Variants in RFX3 observed in about 807,000 individuals in gnomAD.
The protein encoded by RFX3 is regulatory factor X3.
A neutral mutation model predicts 98.6 loss-of-function variants in RFX3; 14 were observed. The observed-to-expected ratio is 0.14, with a 90% confidence interval of 0.09 to 0.22. The LOEUF is 0.22. Among genes scored for constraint, RFX3 ranks in the 10% least tolerant of loss-of-function variants. The pLI is 1.00. For missense variants in RFX3, 639 were observed against 926.9 expected (o/e 0.69, Z 4.03); for synonymous variants, 383 against 328.4 (o/e 1.17, Z -1.80).
chr9:3,504,451 A>G (rs1816507364), intron 1 of RFX3, among the ~76,000 whole-genome samples: 1 of 128,490 alleles, frequency 7.8e-6, no homozygotes, highest in Non-Finnish European at 1.6e-5. Flanking sequence ...TAAAATATAT[A>G]TTATATGCCA....
intron 1 of RFX3, among the ~76,000 whole-genome samples, chr9:3,465,627 C>A (rs1848142238): frequency 6.6e-6 from 1 of 151,844 alleles, no homozygotes; most frequent in African/African-American, 2.4e-5. Context: ...GGATATATTA[C>A]AAGTTCAATG....
intron 1 of RFX3, among the ~76,000 whole-genome samples, chr9:3,522,029 C>G (rs1283621589): frequency 6.6e-6 from 1 of 150,840 alleles, no homozygotes; most frequent in Non-Finnish European, 1.5e-5. Context: ...TTGAGTAGTT[C>G]AAAACTTTTA....
intron 15 of RFX3, among the ~76,000 whole-genome samples, chr9:3,230,305 T>C (rs1586654434): frequency 6.6e-6 from 1 of 152,196 alleles, no homozygotes; most frequent in Admixed American, 6.5e-5. Flanking sequence ...CTCCTAGACA[T>C]GTAATTATTA....
chr9:3,504,008 C>T (rs116570031), intron 1 of RFX3, among the ~76,000 whole-genome samples: 2,453 of 151,088 alleles, frequency 0.016, 65 homozygotes, highest in African/African-American at 0.056. Flanking sequence ...TTCCAAAGAG[C>T]CTCCAACTTG....
chr9:3,249,255 T>G (rs1821076942), intron 14 of RFX3, among the ~76,000 whole-genome samples: 1 of 152,162 alleles, frequency 6.6e-6, no homozygotes, highest in Admixed American at 6.5e-5. Context: ...TCAACCTTGT[T>G]TAAATAGAGG....
intron 1 of RFX3, among the ~76,000 whole-genome samples, chr9:3,450,532 C>G (rs1230061105): frequency 4.6e-5 from 7 of 152,032 alleles, no homozygotes; most frequent in African/African-American, 1.7e-4. Flanking sequence ...TCTTAGATGT[C>G]TGAAGGTGGA....
intron 1 of RFX3, among the ~76,000 whole-genome samples, chr9:3,491,643 T>C (rs1219569145): frequency 6.6e-6 from 1 of 152,192 alleles, no homozygotes; most frequent in Non-Finnish European, 1.5e-5. Flanking sequence ...AAATAAAACC[T>C]ATTCTTTGAA....
rs1817238071 is a variant in RFX3 at position 3,219,539 on chromosome 9, A to G, written c.*5503T>C. 1 of 152,050 alleles carries G rather than the reference A, an allele frequency of 6.6e-6. No individual in the cohort carries two copies. The highest frequency in any genetic ancestry group is 2.4e-5 in the African/African-American group (1 of 41,428). The allele number at this position is 152,050 out of a possible 1,614,324, so 9.4% of individuals were successfully genotyped here. On this transcript the variant is annotated 3_prime_UTR_variant, in exon 17 of 17. Coordinates refer to ENST00000617270, the MANE Select transcript of RFX3 (RefSeq NM_001282116.2). Reference sequence around the variant, plus strand: ...GACAAAACACATTTTTCTTTTTAAAAAAACATATTATCAATTATTTCAAAT... The same window carrying G: ...GACAAAACACATTTTTCTTTTTAAAGAAACATATTATCAATTATTTCAAAT...
chr9:3,251,525 G>A (rs895575744), intron 14 of RFX3, among the ~76,000 whole-genome samples: 3 of 151,962 alleles, frequency 2.0e-5, no homozygotes, highest in African/African-American at 7.2e-5. Flanking sequence ...TAGAGATGGG[G>A]TCTCACTATG....
intron 3 of RFX3, among the ~76,000 whole-genome samples, chr9:3,342,516 G>A (rs1163431641): frequency 2.6e-5 from 4 of 152,060 alleles, no homozygotes; most frequent in Admixed American, 2.0e-4. Context: ...TCAAAGAGTG[G>A]TTTATATAAG....
chr9:3,329,407 C>CAAAAAAAAAAAAAAAAAAAAAAAAAAA (rs1202028884), intron 4 of RFX3, among the ~76,000 whole-genome samples: 7 of 38,132 alleles, frequency 1.8e-4, no homozygotes, highest in Non-Finnish European at 2.4e-4. Context: ...GACTTCATCT[C>CAAAAAAAAAAAAAAAAAAAAAAAAAAA]AAAAAAAAAA....
intron 13 of RFX3, among the ~76,000 whole-genome samples, chr9:3,257,589 C>T (rs1822301465): frequency 6.6e-6 from 1 of 152,074 alleles, no homozygotes; most frequent in African/African-American, 2.4e-5. Context: ...TTTTGTTCCC[C>T]ATCAGATAAA....
chr9:3,288,504 A>G (rs1215862378), intron 6 of RFX3, among the ~76,000 whole-genome samples: 1 of 152,090 alleles, frequency 6.6e-6, no homozygotes, highest in Non-Finnish European at 1.5e-5. Flanking sequence ...CCACTTAAAT[A>G]TTAGTCAAAC....
intron 3 of RFX3, among the ~76,000 whole-genome samples, chr9:3,337,032 T>C (rs972418983): frequency 6.6e-6 from 1 of 152,186 alleles, no homozygotes; most frequent in Non-Finnish European, 1.5e-5. Context: ...CAGACTATTG[T>C]AAGAAGTTTG....
At chr9:3,296,274 T>C (rs532806987) in intron 5 of RFX3, among the ~76,000 whole-genome samples, 1 of 151,910 alleles carries the variant, frequency 6.6e-6, no homozygotes, top group Non-Finnish European at 1.5e-5. Context: ...AAACTTTTCA[T>C]AGAAATAGTG....
chr9:3,484,845 A>G (rs1255630141), intron 1 of RFX3, among the ~76,000 whole-genome samples: 2 of 152,008 alleles, frequency 1.3e-5, no homozygotes, highest in Non-Finnish European at 2.9e-5. Context: ...ACCCTTTGGG[A>G]GGCCAAAAAG....
chr9:3,330,686 T>A (rs1312373782), intron 3 of RFX3, among the ~76,000 whole-genome samples, 169 bp from the exon 4 acceptor site: 1 of 152,194 alleles, frequency 6.6e-6, no homozygotes, highest in Admixed American at 6.5e-5. Flanking sequence ...GATTTACTTT[T>A]CAAATTAAGG....
chr9:3,520,002 C>T (rs1382628554), intron 1 of RFX3, among the ~76,000 whole-genome samples: 2 of 151,936 alleles, frequency 1.3e-5, no homozygotes, highest in Non-Finnish European at 2.9e-5. Context: ...CCTAGCTACT[C>T]AGGAGGCTGT....
intron 1 of RFX3, among the ~76,000 whole-genome samples, chr9:3,402,774 T>A (rs1240835984): frequency 2.0e-5 from 3 of 151,846 alleles, no homozygotes; most frequent in African/African-American, 7.2e-5. Flanking sequence ...CAATTAAGAT[T>A]TCTATTAAAA....
Sources: gnomAD v4.1 joint callset for allele counts (sites outside exome capture counted in the v4.1 genomes callset) on GRCh38, gnomAD v4.1.1 for gene constraint, MANE v1.5 for transcripts, NCBI Gene and HGNC (gene_info 2026-07-23, HGNC 2026-07-21) for gene names.